Variants in CCDC187 observed in about 807,000 individuals in gnomAD.
CCDC187 encodes coiled-coil domain-containing protein 187.
A neutral mutation model predicts 38.0 loss-of-function variants in CCDC187; 32 were observed. The observed-to-expected ratio is 0.84, with a 90% CI of 0.64 to 1.13. CCDC187 has a LOEUF of 1.13. Ranked by LOEUF, CCDC187 falls within the 50% of genes most tolerant of loss-of-function variation. The pLI is 0.00. For synonymous variants in CCDC187, 333 were observed against 347.9 expected (o/e 0.96, Z 0.48); for missense variants, 707 against 786.8 (o/e 0.90, Z 1.21).
intron 10 of CCDC187, 77 bp downstream of exon 10, chr9:136,281,474 C>T (rs1831040257): frequency 2.5e-6 from 1 of 398,544 alleles, no homozygotes; most frequent in Non-Finnish European, 4.4e-6. Flanking sequence ...GAGTGCTAGG[C>T]AGTGGAAGGT....
rs1264792995 is a variant in CCDC187, at chr9:136,253,548, C to T, written c.*46G>A. ...GCAGAACTGCATCTACCCAACTGGT[C>T]GTCAACGCTTCCACCCGGACCAGCC... On this transcript the variant is annotated 3_prime_UTR_variant, in exon 26 of 26. Transcript: ENST00000638797. 3 of 960,252 alleles carry T rather than the reference C, an allele frequency of 3.1e-6. No individual in the cohort carries two copies. The highest frequency in any genetic ancestry group is 1.2e-4 in the East Asian group (1 of 8,672). The allele number at this position is 960,252 out of a possible 1,614,324, so 59.5% of individuals were successfully genotyped here. A position where few individuals can be genotyped will look rare whatever the true frequency, so the allele number is the denominator to read the frequency against.
Position 136,291,042 on chromosome 9 carries a change from C to T in CCDC187, c.1571G>A (p.Arg524Gln), listed in dbSNP as rs1316042027. The stretch of plus-strand genomic sequence containing the variant: ...CCAGGGCTGCTGGGGGAAGGGGCTC[C>T]GCTTTTCAGGGGGGCTCCCAGGCCT... ...SQRPGSPPEK[R>Q]SPFPQQPWSA... is the part of the protein sequence containing the mutation. The change falls in exon 6 of 26, where the codon CGG becomes CAG. Residue 524 changes from arginine (R) to glutamine (Q), a missense_variant. Transcript: ENST00000638797. The T allele has an allele frequency of 1.0e-5, 4 of 398,568 alleles. No homozygotes were observed. Among genetic ancestry groups the T allele is most frequent in the East Asian group, 3.6e-5 (1 of 28,070 alleles). The allele number at this position is 398,568 out of a possible 1,614,324, so 24.7% of individuals were successfully genotyped here. A position where few individuals can be genotyped will look rare whatever the true frequency, so the allele number is the denominator to read the frequency against.
intron 10 of CCDC187, among the ~76,000 whole-genome samples, chr9:136,280,086 A>G (rs1402556167): frequency 1.3e-5 from 2 of 152,254 alleles, no homozygotes; most frequent in Non-Finnish European, 2.9e-5. Context: ...GACAGCATAA[A>G]CAACCAAGGC....
At chr9:136,292,728 G>C (rs1191543615) in intron 4 of CCDC187, among the ~76,000 whole-genome samples, 2 of 152,186 alleles carry the variant, frequency 1.3e-5, no homozygotes, top group African/African-American at 4.8e-5. Flanking sequence ...CTGCACATCG[G>C]GCTCCGCGCA....
Position 136,253,845 on chromosome 9 carries a change from G to A in CCDC187, c.5983C>T (p.Leu1995=), listed in dbSNP as rs1554759902. Residue 1995 remains leucine, a synonymous_variant, in exon 26 of 26, where the codon CTG becomes TTG. Coordinates refer to ENST00000638797, the MANE Select transcript of CCDC187 (RefSeq NM_001378188.1). ...GGGAGGTCGGCACTGCCGTAGGACA[G>A]CAACTCGTCCACGGGAGACAGGATC... ...TEILSPVDEL[L]SYGSADLPSS... is the part of the protein sequence containing the mutation. The A allele has an allele frequency of 2.0e-6, 2 of 985,270 alleles. No homozygotes were observed. Among genetic ancestry groups the A allele is most frequent in the African/African-American group, 3.5e-5 (2 of 57,228 alleles). The allele number at this position is 985,270 out of a possible 1,614,324, so 61.0% of individuals were successfully genotyped here.
intron 9 of CCDC187, among the ~76,000 whole-genome samples, chr9:136,284,690 G>A (rs1300970607): frequency 2.0e-5 from 3 of 151,402 alleles, no homozygotes; most frequent in African/African-American, 7.3e-5. Context: ...CTGGGCAGGT[G>A]GTGGGCTCGG....
At chr9:136,281,479 G>A in intron 10 of CCDC187, 72 bp downstream of exon 10, 1 of 398,648 alleles carries the variant, frequency 2.5e-6, no homozygotes, top group East Asian at 3.6e-5. Context: ...CTAGGCAGTG[G>A]AAGGTGTTCT....
intron 21 of CCDC187, 41 bp from the exon 22 acceptor site, chr9:136,259,042 A>C (rs34514016): frequency 0.5 from 496,860 of 985,306 alleles, 126,822 homozygotes; most frequent in East Asian, 0.69. Flanking sequence ...CAGGGCCCTG[A>C]AGGGAGGGCA....
intron 2 of CCDC187, among the ~76,000 whole-genome samples, chr9:136,301,210 G>C (rs1831672117): frequency 2.0e-5 from 3 of 152,348 alleles, no homozygotes; most frequent in East Asian, 3.9e-4. Context: ...AGGCAGGTTG[G>C]GGGAGGAAGG....
chr9:136,281,810 G>T, intron 9 of CCDC187, 147 bp from the exon 10 acceptor site: 1 of 397,456 alleles, frequency 2.5e-6, no homozygotes, highest in South Asian at 1.4e-4. Flanking sequence ...TGTGCCCAGG[G>T]TGGGACCCAA....
At chr9:136,285,172 G>A (rs1430957724) in intron 9 of CCDC187, among the ~76,000 whole-genome samples, 1 of 152,094 alleles carries the variant, frequency 6.6e-6, no homozygotes. Context: ...GGCCCGGATG[G>A]CAAGGACCAC....
rs975853084 is a variant in CCDC187 at position 136,290,257 on chromosome 9, G to A, written c.2128-204C>T. ...CCCCGTTGCACCCAGGGGCAAAGGCGCCCAGGTCTGACCCTGCACCTCACC... is the reference window on the plus strand; with the variant it reads ...CCCCGTTGCACCCAGGGGCAAAGGCACCCAGGTCTGACCCTGCACCTCACC... On this transcript the variant is annotated intron_variant, in intron 6 of 25. Coordinates refer to ENST00000638797, the MANE Select transcript of CCDC187 (RefSeq NM_001378188.1). Among the ~76,000 whole-genome samples, 838 of 150,630 alleles carry A rather than the reference G, an allele frequency of 5.6e-3. 3 individuals are homozygous for A. The highest frequency in any genetic ancestry group is 0.027 in the South Asian group (130 of 4,820).
intron 18 of CCDC187, among the ~76,000 whole-genome samples, chr9:136,263,200 C>T (rs1830699685): frequency 6.6e-6 from 1 of 151,024 alleles, no homozygotes; most frequent in Non-Finnish European, 1.5e-5. Flanking sequence ...ATCTGCCCCA[C>T]CCCACCCCCC....
intron 20 of CCDC187, 142 bp downstream of exon 20, chr9:136,259,977 G>A (rs1424152250): frequency 1.7e-5 from 11 of 658,594 alleles, no homozygotes; most frequent in Admixed American, 6.3e-5. Flanking sequence ...CAGGGAGGCC[G>A]GGGTGGCCCG....
chr9:136,263,102 G>C (rs1311151661), intron 18 of CCDC187, among the ~76,000 whole-genome samples: 2 of 150,628 alleles, frequency 1.3e-5, no homozygotes, highest in African/African-American at 4.9e-5. Flanking sequence ...GCCCCCACCT[G>C]AAGTCTGGCT....
rs1249035722 is a variant in CCDC187 at position 136,296,793 on chromosome 9, G to T, written c.832+921C>A. Reference sequence around the variant, plus strand: ...TCTGCCCAGTCCTCAGCAGGGAGATGCCTGGATCAGAAATTCCTCTGTGAC... The same window carrying T: ...TCTGCCCAGTCCTCAGCAGGGAGATTCCTGGATCAGAAATTCCTCTGTGAC... On this transcript the variant is annotated intron_variant, in intron 4 of 25. Transcript: ENST00000638797. Among the ~76,000 whole-genome samples, 3 of 152,226 alleles carry T rather than the reference G, an allele frequency of 2.0e-5. No individual in the cohort carries two copies. In the East Asian group the frequency reaches 5.8e-4, roughly 29 times the overall value.
intron 17 of CCDC187, 62 bp downstream of exon 17, chr9:136,265,894 A>G: frequency 2.4e-6 from 2 of 822,086 alleles, no homozygotes; most frequent in Non-Finnish European, 2.9e-6. Flanking sequence ...CCAGGCAAGA[A>G]GATGACACGA....
At chr9:136,284,000 C>T (rs941194942) in intron 9 of CCDC187, among the ~76,000 whole-genome samples, 3 of 152,080 alleles carry the variant, frequency 2.0e-5, no homozygotes, top group Non-Finnish European at 4.4e-5. Context: ...AAGGCCCTGG[C>T]GCAGGCACCA....
intron 18 of CCDC187, among the ~76,000 whole-genome samples, chr9:136,263,029 C>T (rs1554761179): frequency 6.6e-6 from 1 of 152,092 alleles, no homozygotes; most frequent in African/African-American, 2.4e-5. Context: ...GCCACACTCT[C>T]CTTCCTGCCT....
Sources: allele counts gnomAD v4.1 joint callset (sites outside exome capture counted in the v4.1 genomes callset), GRCh38; gene constraint gnomAD v4.1.1; transcripts MANE v1.5; gene names NCBI Gene and HGNC (gene_info 2026-07-23, HGNC 2026-07-21).